Variants in CFAP77 observed in about 807,000 individuals in gnomAD.
CFAP77 encodes the protein cilia- and flagella-associated protein 77.
CFAP77 carries 25 observed loss-of-function variants against 31.1 expected under a neutral mutation model. The ratio of observed to expected loss-of-function variants is 0.80; its 90% CI spans 0.59 to 1.12. The LOEUF is 1.12. Ranked by LOEUF, CFAP77 falls within the 50% of genes most tolerant of loss-of-function variation. CFAP77 has a pLI of 0.00. For synonymous variants in CFAP77, 151 were observed against 159.9 expected (o/e 0.94, Z 0.42); for missense variants, 377 against 397.3 (o/e 0.95, Z 0.44).
intron 1 of CFAP77, among the ~76,000 whole-genome samples, chr9:132,487,711 A>T (rs1851586852): frequency 6.9e-6 from 1 of 144,548 alleles, no homozygotes; most frequent in African/African-American, 2.6e-5. Flanking sequence ...TGGTCTTCTC[A>T]TGCGTGGCTT....
intron 3 of CFAP77, among the ~76,000 whole-genome samples, chr9:132,510,871 CAA>C (rs534223894): frequency 1.9e-4 from 29 of 152,262 alleles, no homozygotes; most frequent in Non-Finnish European, 3.5e-4. Flanking sequence ...CACATCAACT[CAA>C]GAGATCCCCA....
At position 132,552,601 on chromosome 9, in the gene CFAP77, C is replaced by A. The variant is rs1323735373; in HGVS notation, c.732+9554C>A. On this transcript the variant is annotated intron_variant, in intron 5 of 5. Transcript: ENST00000393216. This position sits in a 1 kb window ranked among gnomAD's most constrained non-coding sequence, Gnocchi z 5.5. The stretch of plus-strand genomic sequence containing the variant: ...ATCCCAGCTACCCGGCAGGCTGAGG[C>A]AGGAGAATTGCTTGAACCTGGGAGG... 6.6e-6 allele frequency among the ~76,000 whole-genome samples: 1 copy of A among 151,068 alleles called. No homozygotes were observed. Among genetic ancestry groups the A allele is most frequent in the Non-Finnish European group, 1.5e-5 (1 of 67,914 alleles).
chr9:132,570,333 G>A (rs917094007), intron 5 of CFAP77, among the ~76,000 whole-genome samples: 8 of 152,202 alleles, frequency 5.3e-5, no homozygotes, highest in Non-Finnish European at 1.0e-4. Flanking sequence ...ACTATGCTAC[G>A]CGCTCTGACC....
intron 1 of CFAP77, among the ~76,000 whole-genome samples, chr9:132,467,696 T>C (rs1016577606): frequency 6.6e-6 from 1 of 152,188 alleles, no homozygotes; most frequent in Non-Finnish European, 1.5e-5. Flanking sequence ...CTGTCACTTC[T>C]TTTGGGTATC....
chr9:132,465,512 C>T (rs1851138863), intron 1 of CFAP77, among the ~76,000 whole-genome samples: 1 of 152,152 alleles, frequency 6.6e-6, no homozygotes, highest in African/African-American at 2.4e-5. Context: ...GTGCAGATCC[C>T]ACGTGTGCAG....
At chr9:132,426,498 G>A (rs138902313) in intron 1 of CFAP77, among the ~76,000 whole-genome samples, 1,618 of 40,916 alleles carry the variant, frequency 0.04, 35 homozygotes, top group African/African-American at 0.11. Flanking sequence ...CCTGTTTCCC[G>A]CCAGTTATTA....
At chr9:132,561,383 C>G (rs929316489) in intron 5 of CFAP77, among the ~76,000 whole-genome samples, 2 of 151,666 alleles carry the variant, frequency 1.3e-5, no homozygotes, top group Admixed American at 6.6e-5. Flanking sequence ...CAAATCCTCC[C>G]TTTTGCCTTG....
intron 4 of CFAP77, among the ~76,000 whole-genome samples, chr9:132,538,660 C>T (rs1852587634): frequency 6.6e-6 from 1 of 152,142 alleles, no homozygotes. Flanking sequence ...CACCTGTAAT[C>T]CCAGCTACTC....
intron 1 of CFAP77, among the ~76,000 whole-genome samples, chr9:132,467,735 C>T (rs1029957777): frequency 5.9e-5 from 9 of 152,098 alleles, no homozygotes; most frequent in Non-Finnish European, 1.0e-4. Flanking sequence ...TAGAATCACA[C>T]GGTAATTCTA....
At chr9:132,416,573 C>T (rs1261672943) in intron 1 of CFAP77, among the ~76,000 whole-genome samples, 1 of 151,398 alleles carries the variant, frequency 6.6e-6, no homozygotes, top group Admixed American at 6.6e-5. Flanking sequence ...GAACTCCTGA[C>T]CTCAGGTGAT....
chr9:132,447,321 T>C (rs1564207124), intron 1 of CFAP77, among the ~76,000 whole-genome samples: 1 of 152,098 alleles, frequency 6.6e-6, no homozygotes, highest in Non-Finnish European at 1.5e-5. Context: ...ATGCAGAGAG[T>C]GAACTGGGTG....
chr9:132,509,725 C>T (rs994313626), intron 3 of CFAP77, among the ~76,000 whole-genome samples: 2 of 152,148 alleles, frequency 1.3e-5, no homozygotes, highest in African/African-American at 4.8e-5. Flanking sequence ...GTCAAGATTG[C>T]ACCACTACAC....
chr9:132,498,053 C>A lies in CFAP77; in HGVS notation c.196-642C>A, dbSNP rs1039459336. On this transcript the variant is annotated intron_variant, in intron 1 of 5. Coordinates refer to ENST00000393216, the MANE Select transcript of CFAP77 (RefSeq NM_001282957.2). This position sits in a 1 kb window ranked among gnomAD's most constrained non-coding sequence, Gnocchi z 4.2. ...GGTGGTGGCGGCAGGGTGGGGGCGG[C>A]TAATGTGGTTGATGACAGGGCAATT... Among the ~76,000 whole-genome samples, 1 of 152,052 alleles carries A rather than the reference C, an allele frequency of 6.6e-6. No homozygotes were observed. Among genetic ancestry groups the A allele is most frequent in the African/African-American group, 2.4e-5 (1 of 41,402 alleles).
At chr9:132,504,627 G>A (rs145470565) in intron 3 of CFAP77, among the ~76,000 whole-genome samples, 4 of 152,366 alleles carry the variant, frequency 2.6e-5, no homozygotes, top group African/African-American at 9.6e-5. Flanking sequence ...CCTTCCTGAT[G>A]TGACGGGCAG....
chr9:132,462,827 T>A (rs524883), intron 1 of CFAP77, among the ~76,000 whole-genome samples: 147,714 of 151,868 alleles, frequency 0.97, 71,881 homozygotes, highest in East Asian at 1. Context: ...AAAATAAAAA[T>A]AAAATAAAAT....
At chr9:132,444,613 G>T (rs534269382) in intron 1 of CFAP77, among the ~76,000 whole-genome samples, 1 of 152,180 alleles carries the variant, frequency 6.6e-6, no homozygotes, top group Non-Finnish European at 1.5e-5. Flanking sequence ...CTGGGTCTTG[G>T]CTGTGGTCTC....
rs1032850628 is a variant in CFAP77 at position 132,514,156 on chromosome 9, G to A, written c.524+14556G>A. On this transcript the variant is annotated intron_variant, in intron 3 of 5. Coordinates refer to ENST00000393216, the MANE Select transcript of CFAP77 (RefSeq NM_001282957.2). ...CCCCCTCCCCTGTGTCCCTGACCAC[G>A]GGTGACAGTGAGGAGACGCCCCTTC... Among the ~76,000 whole-genome samples the A allele has an allele frequency of 5.3e-5, 8 of 151,834 alleles. No individual in the cohort carries two copies. In the East Asian group the frequency reaches 7.8e-4, roughly 15 times the overall value.
chr9:132,494,799 C>T (rs1350067277), intron 1 of CFAP77, among the ~76,000 whole-genome samples: 2 of 152,192 alleles, frequency 1.3e-5, no homozygotes, highest in African/African-American at 4.8e-5. Flanking sequence ...ATGTATGGCT[C>T]TTGGCCACTG....
At chr9:132,535,869 CA>C (rs1215459957) in intron 3 of CFAP77, among the ~76,000 whole-genome samples, 2 of 151,882 alleles carry the variant, frequency 1.3e-5, no homozygotes, top group East Asian at 1.9e-4. Flanking sequence ...TCATAATTAG[CA>C]AAAAAACCAT....
Sources: allele counts gnomAD v4.1 joint callset (sites outside exome capture counted in the v4.1 genomes callset), GRCh38; gene constraint gnomAD v4.1.1; non-coding constraint Gnocchi (gnomAD v3.1); transcripts MANE v1.5; gene names NCBI Gene and HGNC (gene_info 2026-07-23, HGNC 2026-07-21).